MAN1A1: variants seen among roughly 807,000 people sequenced by gnomAD.
MAN1A1 encodes the protein mannosidase alpha class 1A member 1.
In MAN1A1, 29 loss-of-function variants were observed where a neutral mutation model predicts 70.8. That is an observed-to-expected ratio of 0.41 (90% CI 0.31 to 0.56). MAN1A1 has a LOEUF of 0.56. Ranked by LOEUF, MAN1A1 falls within the 20% of genes least tolerant of loss-of-function variation. MAN1A1 has a pLI of 0.29. For missense variants in MAN1A1, 747 were observed against 841.3 expected, an observed-to-expected ratio of 0.89 and a Z score of 1.39; for synonymous variants, 349 against 330.1, an observed-to-expected ratio of 1.06 and a Z score of -0.62.
rs188548615 is a variant in MAN1A1 at position 119,306,766 on chromosome 6, C to T, written c.700+130G>A. On this transcript the variant is annotated intron_variant, in intron 3 of 12. Transcript: ENST00000368468. ...CACTATGCACAATCCTTATCTAATT[C>T]CATCAGGTGTGCAAGTTTCCTAACC... is the stretch of plus-strand genomic sequence containing the variant. 4.3e-4 allele frequency: 288 copies of T among 676,988 alleles called. 2 individuals carry two copies. The African/African-American group carries it at 4.7e-3, about 11-fold the overall frequency. 41.9% of individuals were successfully genotyped at this position (676,988 alleles called of 1,614,324 possible).
chr6:119,237,441 C>T (rs577546625), intron 6 of MAN1A1, among the ~76,000 whole-genome samples: 52 of 152,266 alleles, frequency 3.4e-4, no homozygotes, highest in African/African-American at 1.1e-3. Flanking sequence ...AGCCCCACTG[C>T]GAGTTTGCGT....
In MAN1A1 at chr6:119,218,798, T is replaced by G. The variant is rs933372588; in HGVS notation, c.993-13916A>C. On this transcript the variant is annotated intron_variant, in intron 6 of 12. Coordinates refer to ENST00000368468, the MANE Select transcript of MAN1A1 (RefSeq NM_005907.4). ...GTACTGGCCAGAGCTGGTTCACACC[T>G]GGCACCCTGAGCTGCCAAGGTAGGC... Among the ~76,000 whole-genome samples, 16 of 152,148 alleles carry G rather than the reference T, an allele frequency of 1.1e-4. 1 individual carries two copies. Among genetic ancestry groups the G allele is most frequent in the Admixed American group, 7.9e-4 (12 of 15,274 alleles).
At chr6:119,266,646 T>A (rs1775762297) in intron 5 of MAN1A1, among the ~76,000 whole-genome samples, 1 of 152,046 alleles carries the variant, frequency 6.6e-6, no homozygotes, top group Admixed American at 6.6e-5. Context: ...TCCTAGAAGA[T>A]AATACAGGAT....
At position 119,180,518 on chromosome 6, in the gene MAN1A1, CAT is replaced by C. The variant is rs1773123419; in HGVS notation, c.1720-93_1720-92del. ...ATTAGATTGTCAAGTTCAGATAAAA[CAT>C]TTTTTTTTTTTGAGACAGGGCCTCA... On this transcript the variant is annotated intron_variant, in intron 11 of 12. Transcript: ENST00000368468. 1.4e-5 allele frequency: 10 copies of C among 696,998 alleles called. No homozygotes were observed. In the South Asian group the frequency reaches 1.6e-4, roughly 11 times the overall value. The allele number at this position is 696,998 out of a possible 1,614,324, so 43.2% of individuals were successfully genotyped here. A position where few individuals can be genotyped will look rare whatever the true frequency, so the allele number is the denominator to read the frequency against.
rs1379256559 is a variant in MAN1A1, at chr6:119,179,127, A to C, written c.*692T>G. On this transcript the variant is annotated 3_prime_UTR_variant, in exon 13 of 13. Transcript: ENST00000368468. ...AATCCAGAAATGACACAGGGCATTT[A>C]AAGTAAAATTAAAGGACACATTTAC... 6.6e-6 allele frequency: 1 copy of C among 152,258 alleles called. No individual in the cohort carries two copies. 9.4% of individuals were successfully genotyped at this position (152,258 alleles called of 1,614,324 possible). A position where few individuals can be genotyped will look rare whatever the true frequency, so the allele number is the denominator to read the frequency against.
chr6:119,184,717 C>A (rs1017253759), intron 11 of MAN1A1, among the ~76,000 whole-genome samples: 24 of 151,210 alleles, frequency 1.6e-4, no homozygotes, highest in Non-Finnish European at 3.1e-4. Context: ...CAAAAAAAAA[C>A]CCCCTAAAGC....
chr6:119,235,394 G>A (rs1448367683), intron 6 of MAN1A1, among the ~76,000 whole-genome samples: 1 of 152,212 alleles, frequency 6.6e-6, no homozygotes, highest in Non-Finnish European at 1.5e-5. Flanking sequence ...TTTAGGTGGT[G>A]TGGACAGAAG....
chr6:119,236,445 C>T (rs753817114), intron 6 of MAN1A1, among the ~76,000 whole-genome samples: 8 of 152,124 alleles, frequency 5.3e-5, no homozygotes, highest in Non-Finnish European at 1.0e-4. Context: ...TGGTGGCTCA[C>T]GCCTGTAATC....
At position 119,193,775 on chromosome 6, in the gene MAN1A1, A is replaced by G. The variant is rs1304016496; in HGVS notation, c.1326+2T>C. On this transcript the variant is annotated splice_donor_variant, in intron 9 of 12. Transcript: ENST00000368468. LOFTEE classifies it high-confidence loss of function. ...GCAAAGATGATTTAAATATTGGGTT[A>G]CCTGAACAGCATCAAAATACATCTT... 6.2e-7 allele frequency: 1 copy of G among 1,604,988 alleles called. No homozygotes were observed. Among genetic ancestry groups the G allele is most frequent in the African/African-American group, 1.3e-5 (1 of 74,688 alleles).
intron 5 of MAN1A1, among the ~76,000 whole-genome samples, chr6:119,276,236 T>C (rs1048332006): frequency 5.3e-5 from 8 of 152,216 alleles, no homozygotes; most frequent in African/African-American, 1.9e-4. Flanking sequence ...CCTCCATCAC[T>C]TTATCACATG....
At chr6:119,232,070 A>G (rs1260374115) in intron 6 of MAN1A1, among the ~76,000 whole-genome samples, 1 of 152,142 alleles carries the variant, frequency 6.6e-6, no homozygotes, top group Non-Finnish European at 1.5e-5. Context: ...ACCCATGGAA[A>G]ACTTTTAAAA....
chr6:119,283,013 A>T (rs1776262162), intron 5 of MAN1A1, among the ~76,000 whole-genome samples: 1 of 152,214 alleles, frequency 6.6e-6, no homozygotes, highest in Non-Finnish European at 1.5e-5. Context: ...TTTAGTAATG[A>T]TATAATCTAC....
intron 5 of MAN1A1, among the ~76,000 whole-genome samples, chr6:119,259,499 T>G (rs1227965788): frequency 6.6e-6 from 1 of 152,240 alleles, no homozygotes; most frequent in Non-Finnish European, 1.5e-5. Flanking sequence ...TCATTCTATT[T>G]AAGCAAATGT....
At chr6:119,264,504 T>C (rs1240205333) in intron 5 of MAN1A1, among the ~76,000 whole-genome samples, 1 of 152,220 alleles carries the variant, frequency 6.6e-6, no homozygotes, top group Non-Finnish European at 1.5e-5. Flanking sequence ...CCATTTGCTG[T>C]TATATTTAAG....
intron 5 of MAN1A1, among the ~76,000 whole-genome samples, chr6:119,255,371 G>A (rs541197738): frequency 1.3e-5 from 2 of 152,258 alleles, no homozygotes; most frequent in East Asian, 3.9e-4. Context: ...TTCAGCACAA[G>A]ATGCCATAGA....
intron 2 of MAN1A1, among the ~76,000 whole-genome samples, chr6:119,316,280 C>A (rs149486220): frequency 1.3e-5 from 2 of 148,336 alleles, no homozygotes; most frequent in Non-Finnish European, 3.0e-5. Flanking sequence ...CGCGTTCAAG[C>A]GATTGTCCTG....
chr6:119,288,135 T>C (rs1776428276), intron 5 of MAN1A1, among the ~76,000 whole-genome samples: 1 of 151,964 alleles, frequency 6.6e-6, no homozygotes, highest in South Asian at 2.1e-4. Flanking sequence ...GTAACTTTCC[T>C]GAAACACATA....
chr6:119,300,402 C>A (rs901349436), intron 4 of MAN1A1, among the ~76,000 whole-genome samples: 1 of 151,814 alleles, frequency 6.6e-6, no homozygotes, highest in Non-Finnish European at 1.5e-5. Context: ...ATTACAGGCA[C>A]ACACCACCAT....
At chr6:119,266,451 T>C (rs1285413789) in intron 5 of MAN1A1, among the ~76,000 whole-genome samples, 2 of 152,072 alleles carry the variant, frequency 1.3e-5, no homozygotes, top group African/African-American at 4.8e-5. Flanking sequence ...CAATTGATCT[T>C]TGACAAAGGA....
Sources: allele counts gnomAD v4.1 joint callset (sites outside exome capture counted in the v4.1 genomes callset), GRCh38; gene constraint gnomAD v4.1.1; transcripts MANE v1.5; gene names NCBI Gene and HGNC (gene_info 2026-07-23, HGNC 2026-07-21).